The following ZNF578 variants were observed in gnomAD, a reference collection of about 807,000 sequenced individuals.
ZNF578 encodes the protein zinc finger protein 578.
ZNF578 carries 8 observed loss-of-function variants against 8.3 expected under a neutral mutation model. That is an observed-to-expected ratio of 0.96 (90% CI 0.56 to 1.74). The LOEUF (loss-of-function observed/expected upper bound fraction) is 1.74, where lower values mean the gene tolerates loss of function less well. Ranked by LOEUF, ZNF578 falls within the 40% of genes most tolerant of loss-of-function variation. The pLI is 0.00. For synonymous variants in ZNF578, 206 were observed against 232.2 expected, an observed-to-expected ratio of 0.89 and a Z score of 1.03; for missense variants, 726 against 707.5, an observed-to-expected ratio of 1.03 and a Z score of -0.30.
chr19:52,508,359 A>G (rs1247799471), intron 5 of ZNF578, among the ~76,000 whole-genome samples: 1 of 151,584 alleles, frequency 6.6e-6, no homozygotes, highest in African/African-American at 2.4e-5. Context: ...AAATAGAGAG[A>G]GAGAGAAAGA....
intron 3 of ZNF578, 103 bp from the exon 4 acceptor site, chr19:52,501,724 G>C (rs2122937805): frequency 5.1e-6 from 6 of 1,176,614 alleles, no homozygotes; most frequent in South Asian, 1.5e-5. Context: ...GCAGTGGGGG[G>C]GGCTTCTTTG....
At chr19:52,474,237 A>G (rs951183814) in intron 2 of ZNF578, 2 of 310,350 alleles carry the variant, frequency 6.4e-6, no homozygotes, top group African/African-American at 4.4e-5. Context: ...ATATATTTGT[A>G]ACACTTCTCT....
intron 2 of ZNF578, among the ~76,000 whole-genome samples, chr19:52,463,715 G>T (rs1471599553): frequency 6.6e-6 from 1 of 152,078 alleles, no homozygotes; most frequent in Non-Finnish European, 1.5e-5. Flanking sequence ...ATATTAACTG[G>T]CTGATTAAAA....
At chr19:52,500,879 T>TAA (rs1491015524) in intron 3 of ZNF578, among the ~76,000 whole-genome samples, 75 of 466 alleles carry the variant, frequency 0.16, 1 homozygote, top group Non-Finnish European at 0.15. Flanking sequence ...TTGTGTGACT[T>TAA]TTTTTTTTTT....
At chr19:52,474,432 C>CTG in intron 2 of ZNF578, 1 of 277,788 alleles carries the variant, frequency 3.6e-6, no homozygotes, top group South Asian at 3.9e-5. Context: ...AGAAATAACT[C>CTG]AGTCTCGGGC....
At chr19:52,502,317 T>C (rs1054867301) in intron 4 of ZNF578, among the ~76,000 whole-genome samples, 1 of 152,200 alleles carries the variant, frequency 6.6e-6, no homozygotes, top group Non-Finnish European at 1.5e-5. Flanking sequence ...TGCCCAGGTA[T>C]GTGGCAAATT....
At chr19:52,500,230 G>C in intron 3 of ZNF578, among the ~76,000 whole-genome samples, 1 of 152,070 alleles carries the variant, frequency 6.6e-6, no homozygotes. Flanking sequence ...TCGGCGCAGA[G>C]CTTAATTTTA....
chr19:52,465,789 C>T (rs1006188596), intron 2 of ZNF578, among the ~76,000 whole-genome samples: 1 of 152,252 alleles, frequency 6.6e-6, no homozygotes, highest in Admixed American at 6.5e-5. Flanking sequence ...CCCTGGCTTT[C>T]TCTGAGTGCC....
chr19:52,500,374 C>A (rs1269030402), intron 3 of ZNF578, among the ~76,000 whole-genome samples: 8 of 150,072 alleles, frequency 5.3e-5, no homozygotes, highest in Middle Eastern at 3.6e-3. Context: ...TCACAGAGAA[C>A]TGAGGCACAA....
chr19:52,464,208 G>A (rs113489505), intron 2 of ZNF578, among the ~76,000 whole-genome samples: 2,169 of 152,284 alleles, frequency 0.014, 48 homozygotes, highest in African/African-American at 0.05. Context: ...CCATTAGGGA[G>A]TGCAAAGTAG....
At chr19:52,479,034 CCTT>C (rs1174300499) in intron 2 of ZNF578, among the ~76,000 whole-genome samples, 9 of 151,840 alleles carry the variant, frequency 5.9e-5, no homozygotes, top group Non-Finnish European at 1.3e-4. Context: ...CCATTTTAAT[CCTT>C]CTCCTGCTCT....
intron 3 of ZNF578, among the ~76,000 whole-genome samples, chr19:52,493,473 G>A (rs2059373964): frequency 6.6e-6 from 1 of 152,182 alleles, no homozygotes; most frequent in Non-Finnish European, 1.5e-5. Flanking sequence ...CCGCGATGCA[G>A]GAGTCTTACT....
chr19:52,493,837 A>C (rs2059375765), intron 3 of ZNF578, among the ~76,000 whole-genome samples: 1 of 152,028 alleles, frequency 6.6e-6, no homozygotes, highest in Non-Finnish European at 1.5e-5. Flanking sequence ...CTAAAAATGC[A>C]AAATTAGCCG....
chr19:52,491,139 T>C (rs907444262), intron 2 of ZNF578, among the ~76,000 whole-genome samples, 185 bp from the exon 3 acceptor site: 2 of 152,194 alleles, frequency 1.3e-5, no homozygotes, highest in Non-Finnish European at 1.5e-5. Context: ...ATAGAAATGA[T>C]TTGAAGGACA....
intron 5 of ZNF578, 107 bp from the exon 6 acceptor site, chr19:52,510,465 T>C: frequency 1.5e-6 from 2 of 1,366,086 alleles, no homozygotes; most frequent in Non-Finnish European, 1.9e-6. Context: ...GAAGATCATG[T>C]TTGGGAAGTT....
chr19:52,513,260 G>C lies in ZNF578; in HGVS notation c.*1106G>C, dbSNP rs1310136712. 6.6e-6 allele frequency among the ~76,000 whole-genome samples: 1 copy of C among 150,946 alleles called. No homozygotes were observed. Among genetic ancestry groups the C allele is most frequent in the Non-Finnish European group, 1.5e-5 (1 of 67,902 alleles). ...TGGTCTCAAACTCCCGATCTCAGGT[G>C]ATCCGCCCACCTCAGCCTCCCAAAG... On this transcript the variant is annotated 3_prime_UTR_variant, in exon 6 of 6. Coordinates refer to ENST00000421239, the MANE Select transcript of ZNF578 (RefSeq NM_001099694.2).
chr19:52,482,046 T>C (rs1021611174), intron 2 of ZNF578, among the ~76,000 whole-genome samples: 2 of 151,838 alleles, frequency 1.3e-5, no homozygotes, highest in African/African-American at 2.4e-5. Context: ...ATAGAACTTT[T>C]TTTTGAGAGA....
intron 2 of ZNF578, among the ~76,000 whole-genome samples, chr19:52,472,547 A>G (rs993235572): frequency 6.6e-6 from 1 of 152,340 alleles, no homozygotes; most frequent in African/African-American, 2.4e-5. Flanking sequence ...GGAGGTGGCC[A>G]TCATTTCCCC....
chr19:52,478,680 A>T (rs566397505), intron 2 of ZNF578, among the ~76,000 whole-genome samples: 13 of 152,282 alleles, frequency 8.5e-5, no homozygotes, highest in African/African-American at 3.1e-4. Context: ...ATCAACTTTA[A>T]GGCCTGCTTG....
Sources: allele counts gnomAD v4.1 joint callset (sites outside exome capture counted in the v4.1 genomes callset), GRCh38; gene constraint gnomAD v4.1.1; transcripts MANE v1.5; gene names NCBI Gene and HGNC (gene_info 2026-07-23, HGNC 2026-07-21).